The following ASXL3 variants were observed in gnomAD, a reference collection of about 807,000 sequenced individuals.
The protein encoded by ASXL3 is putative Polycomb group protein ASXL3.
ASXL3 carries 34 observed loss-of-function variants against 170.6 expected under a neutral mutation model. The ratio of observed to expected loss-of-function variants is 0.20; its 90% confidence interval spans 0.15 to 0.27. The LOEUF is 0.27. Ranked by LOEUF, ASXL3 falls within the 10% of genes least tolerant of loss-of-function variation. ASXL3 has a pLI of 1.00. For missense variants in ASXL3, 2,592 were observed against 2,695.3 expected, an observed-to-expected ratio of 0.96 and a Z score of 0.85; for synonymous variants, 1,002 against 989.1, an observed-to-expected ratio of 1.01 and a Z score of -0.24.
At chr18:33,712,142 T>C (rs1423791549) in intron 8 of ASXL3, among the ~76,000 whole-genome samples, 4 of 152,194 alleles carry the variant, frequency 2.6e-5, no homozygotes, top group Admixed American at 2.6e-4. Context: ...CAAAAATTCT[T>C]TTGTATTTGT....
chr18:33,578,574 C>T lies in ASXL3; in HGVS notation c.-58C>T. ...TGGGTCATTGTCTCCGCGCCCGAAC[C>T]CCGAGCACCCCGTGGAATCCCCCAC... On this transcript the variant is annotated 5_prime_UTR_variant, in exon 1 of 12. Coordinates refer to ENST00000269197, the MANE Select transcript of ASXL3 (RefSeq NM_030632.3). 1 of 1,141,228 alleles carries T rather than the reference C, an allele frequency of 8.8e-7. No homozygotes were observed. The highest frequency in any genetic ancestry group is 1.1e-6 in the Non-Finnish European group (1 of 882,106). The allele number at this position is 1,141,228 out of a possible 1,614,324, so 70.7% of individuals were successfully genotyped here. A position where few individuals can be genotyped will look rare whatever the true frequency, so the allele number is the denominator to read the frequency against.
chr18:33,693,742 A>G (rs2066726211), intron 8 of ASXL3, among the ~76,000 whole-genome samples: 1 of 152,208 alleles, frequency 6.6e-6, no homozygotes, highest in South Asian at 2.1e-4. Context: ...ATATTTATGC[A>G]TTTATCTTGG....
At chr18:33,601,283 C>T (rs1184436851) in intron 1 of ASXL3, among the ~76,000 whole-genome samples, 1 of 151,484 alleles carries the variant, frequency 6.6e-6, no homozygotes, top group Non-Finnish European at 1.5e-5. Context: ...TTTTTTTCAG[C>T]CAATAATATT....
chr18:33,716,423 C>T (rs949147155), intron 8 of ASXL3, among the ~76,000 whole-genome samples: 3 of 152,166 alleles, frequency 2.0e-5, no homozygotes, highest in African/African-American at 7.2e-5. Flanking sequence ...TCCTTAGGAA[C>T]TTCTCATCAG....
intron 8 of ASXL3, among the ~76,000 whole-genome samples, chr18:33,708,216 A>G (rs1350948162): frequency 6.6e-6 from 1 of 152,166 alleles, no homozygotes; most frequent in East Asian, 1.9e-4. Flanking sequence ...GGAAAACTAT[A>G]CTCGTAAAGT....
chr18:33,642,296 T>C (rs1489468048), intron 2 of ASXL3, among the ~76,000 whole-genome samples: 2 of 152,010 alleles, frequency 1.3e-5, no homozygotes, highest in Non-Finnish European at 1.5e-5. Context: ...TGAAATGTTT[T>C]TGAAATACAT....
intron 2 of ASXL3, among the ~76,000 whole-genome samples, chr18:33,637,872 C>A (rs1338110535): frequency 1.3e-5 from 2 of 152,056 alleles, no homozygotes. Flanking sequence ...CTCAAGGCTG[C>A]CTTTCTGCTG....
chr18:33,743,171 C>T lies in ASXL3; in HGVS notation c.3323C>T (p.Ala1108Val). The change falls in exon 12 of 12, where the codon GCT becomes GTT. Residue 1108 changes from alanine (A) to valine (V), a missense_variant. By Grantham distance (64) the Ala-to-Val change is moderately conservative (BLOSUM62 0). Transcript: ENST00000269197. ...TLAHIKEQTK[A>V]KLFAKHQARA... Reference sequence around the variant, plus strand: ...GCACACATCAAAGAGCAGACAAAGGCTAAGCTCTTTGCAAAGCATCAAGCT... The same window carrying T: ...GCACACATCAAAGAGCAGACAAAGGTTAAGCTCTTTGCAAAGCATCAAGCT... 6.2e-7 allele frequency: 1 copy of T among 1,613,950 alleles called. No homozygotes were observed. Among genetic ancestry groups the T allele is most frequent in the South Asian group, 1.1e-5 (1 of 91,086 alleles).
At chr18:33,635,613 G>A (rs2065751935) in intron 2 of ASXL3, among the ~76,000 whole-genome samples, 1 of 152,182 alleles carries the variant, frequency 6.6e-6, no homozygotes, top group Admixed American at 6.5e-5. Flanking sequence ...TGACCAAGTA[G>A]ATAGTTTAAT....
chr18:33,665,198 A>G (rs1286456275), intron 5 of ASXL3, among the ~76,000 whole-genome samples: 1 of 152,202 alleles, frequency 6.6e-6, no homozygotes, highest in Non-Finnish European at 1.5e-5. Context: ...ATGGTAGTGA[A>G]CATAACCTTT....
At chr18:33,647,249 T>C (rs868107102) in intron 4 of ASXL3, among the ~76,000 whole-genome samples, 5 of 152,218 alleles carry the variant, frequency 3.3e-5, no homozygotes, top group African/African-American at 1.2e-4. Context: ...CTCTGCATGC[T>C]CACTGAATGC....
intron 5 of ASXL3, among the ~76,000 whole-genome samples, chr18:33,669,022 TG>T (rs1362269929): frequency 6.6e-6 from 1 of 152,178 alleles, no homozygotes; most frequent in Non-Finnish European, 1.5e-5. Context: ...CAGGTTTAAT[TG>T]TTTTGTGAAG....
rs369125364 is a variant in ASXL3 at position 33,743,135 on chromosome 18, C to T, written c.3287C>T (p.Thr1096Met). 6.6e-5 allele frequency: 107 copies of T among 1,613,720 alleles called. No homozygotes were observed. The highest frequency in any genetic ancestry group is 4.9e-4 in the Middle Eastern group (3 of 6,084). ...GGAAGTCCAGGAGAGGGTGGAAAGA[C>T]GAGAACTCTGGCACACATCAAAGAG... is the stretch of plus-strand genomic sequence containing the variant. ...AMGSPGEGGKTRTLAHIKEQT... is the reference protein window; with the variant it reads ...AMGSPGEGGKMRTLAHIKEQT... The change falls in exon 12 of 12, where the codon ACG becomes ATG. Residue 1096 changes from threonine to methionine, a missense_variant. Coordinates refer to ENST00000269197, the MANE Select transcript of ASXL3 (RefSeq NM_030632.3).
intron 2 of ASXL3, among the ~76,000 whole-genome samples, chr18:33,613,622 T>G (rs562198897): frequency 1.3e-5 from 2 of 152,188 alleles, no homozygotes; most frequent in South Asian, 4.1e-4. Context: ...ATACCTTAAT[T>G]TAAAAAATAC....
At chr18:33,617,857 A>G (rs1374696597) in intron 2 of ASXL3, among the ~76,000 whole-genome samples, 1 of 152,300 alleles carries the variant, frequency 6.6e-6, no homozygotes, top group Non-Finnish European at 1.5e-5. Flanking sequence ...GAGTCTTTCC[A>G]AGTATCCTAT....
chr18:33,579,759 T>G (rs924728540), intron 1 of ASXL3, among the ~76,000 whole-genome samples: 3 of 152,148 alleles, frequency 2.0e-5, no homozygotes, highest in Non-Finnish European at 2.9e-5. Context: ...AAACATTTAT[T>G]CGCCAGCTTA....
chr18:33,607,514 C>A, intron 1 of ASXL3, 80 bp from the exon 2 acceptor site: 1 of 1,128,760 alleles, frequency 8.9e-7, no homozygotes, highest in Non-Finnish European at 1.3e-6. Flanking sequence ...ATAAAATAAG[C>A]AGAGAATGCA....
chr18:33,643,189 G>A (rs1039648261), intron 2 of ASXL3, among the ~76,000 whole-genome samples: 1 of 151,700 alleles, frequency 6.6e-6, no homozygotes, highest in Non-Finnish European at 1.5e-5. Flanking sequence ...CTATGCTTTT[G>A]TCTGAAGAAT....
In ASXL3 at chr18:33,743,658, A is replaced by C. The variant is rs755597572; in HGVS notation, c.3810A>C (p.Ala1270=). The change falls in exon 12 of 12, where the codon GCA becomes GCC. Residue 1270 remains alanine, a synonymous_variant. Coordinates refer to ENST00000269197, the MANE Select transcript of ASXL3 (RefSeq NM_030632.3). ...KSSVLMSVDS[A]NTTISACNIS... is the part of the protein sequence containing the mutation. ...CTGTCCTAATGTCTGTTGACAGTGCAAACACTACAATTTCTGCTTGTAATA... is the reference window on the plus strand; with the variant it reads ...CTGTCCTAATGTCTGTTGACAGTGCCAACACTACAATTTCTGCTTGTAATA... 13 of 1,613,732 alleles carry C rather than the reference A, an allele frequency of 8.1e-6. No homozygotes were observed. The highest frequency in any genetic ancestry group is 1.1e-5 in the Non-Finnish European group (13 of 1,179,902).
Sources: gnomAD v4.1 joint callset for allele counts (sites outside exome capture counted in the v4.1 genomes callset) on GRCh38, gnomAD v4.1.1 for gene constraint, MANE v1.5 for transcripts, NCBI Gene and HGNC (gene_info 2026-07-23, HGNC 2026-07-21) for gene names.